Variants in EEIG2 observed in about 807,000 individuals in gnomAD.
The protein encoded by EEIG2 is family with sequence similarity 102 member B.
chr1:108,591,923 TA>T, the EEIG2 span, among the ~76,000 whole-genome samples: 1 of 152,064 alleles, frequency 6.6e-6, no homozygotes, highest in South Asian at 2.1e-4. Context: ...TGACAAACAA[TA>T]TAAGACAGAA....
chr1:108,632,145 A>C, the EEIG2 span, among the ~76,000 whole-genome samples: 23 of 150,890 alleles, frequency 1.5e-4, no homozygotes, highest in Middle Eastern at 3.2e-3. Context: ...AAGAAGAAGA[A>C]GAAGAAGTAA....
At chr1:108,624,814 T>C in the EEIG2 span, 1 of 1,326,134 alleles carries the variant, frequency 7.5e-7, no homozygotes, top group Non-Finnish European at 1.1e-6. Context: ...AAAAATTCTT[T>C]GGGAATTGTG....
At chr1:108,637,700 T>C in the EEIG2 span, 4 of 152,178 alleles carry the variant, frequency 2.6e-5, no homozygotes, top group African/African-American at 9.7e-5. Context: ...AATTATATCC[T>C]AGAGAAAAAG....
At chr1:108,631,037 TAGGTA>T in the EEIG2 span, 3 of 226,260 alleles carry the variant, frequency 1.3e-5, no homozygotes, top group African/African-American at 6.9e-5. Flanking sequence ...ATATCATAAG[TAGGTA>T]AGAGAGAGAC....
the EEIG2 span, among the ~76,000 whole-genome samples, chr1:108,633,925 T>G: frequency 2.0e-5 from 3 of 152,160 alleles, no homozygotes; most frequent in South Asian, 6.2e-4. Context: ...GGGGTCTTCC[T>G]CTCTGCACTG....
chr1:108,569,508 T>C, the EEIG2 span, among the ~76,000 whole-genome samples: 1 of 152,164 alleles, frequency 6.6e-6, no homozygotes, highest in Non-Finnish European at 1.5e-5. Context: ...TCTATTTTTG[T>C]AGAGATGTGG....
chr1:108,628,258 A>G, the EEIG2 span: 3 of 1,614,176 alleles, frequency 1.9e-6, no homozygotes, highest in Admixed American at 1.7e-5. Context: ...AGTCAAAAGT[A>G]TCAGGTAGAG....
the EEIG2 span, chr1:108,635,158 G>C: frequency 6.2e-7 from 1 of 1,614,148 alleles, no homozygotes; most frequent in Non-Finnish European, 8.5e-7. Flanking sequence ...TAGAAGTCAA[G>C]TCGGTGAAAA....
chr1:108,611,622 C>G, the EEIG2 span, among the ~76,000 whole-genome samples: 2 of 152,204 alleles, frequency 1.3e-5, no homozygotes, highest in African/African-American at 4.8e-5. Context: ...AGAGAAGGCA[C>G]TGGTACCAAA....
the EEIG2 span, among the ~76,000 whole-genome samples, chr1:108,568,334 A>T: frequency 6.6e-6 from 1 of 152,188 alleles, no homozygotes; most frequent in East Asian, 1.9e-4. Flanking sequence ...ACAGCTTGTA[A>T]AAAATTATGT....
the EEIG2 span, among the ~76,000 whole-genome samples, chr1:108,622,256 G>A: frequency 2.6e-5 from 4 of 152,324 alleles, no homozygotes; most frequent in African/African-American, 9.6e-5. Flanking sequence ...GTTTTATGCC[G>A]AAGGAGCTAT....
chr1:108,584,942 A>G, the EEIG2 span, among the ~76,000 whole-genome samples: 1 of 152,176 alleles, frequency 6.6e-6, no homozygotes, highest in South Asian at 2.1e-4. Context: ...CCTTCCAAAA[A>G]AAGGTAATTG....
At chr1:108,610,399 G>C in the EEIG2 span, among the ~76,000 whole-genome samples, 1 of 152,154 alleles carries the variant, frequency 6.6e-6, no homozygotes, top group Non-Finnish European at 1.5e-5. Flanking sequence ...GCTTATGGAA[G>C]TTAAGTGCTC....
At chr1:108,618,376 G>A in the EEIG2 span, among the ~76,000 whole-genome samples, 1 of 152,112 alleles carries the variant, frequency 6.6e-6, no homozygotes, top group African/African-American at 2.4e-5. Context: ...TAGAGGAAGG[G>A]GTTTGAAGAA....
the EEIG2 span, among the ~76,000 whole-genome samples, chr1:108,620,781 G>A: frequency 3.3e-5 from 5 of 152,036 alleles, no homozygotes; most frequent in Non-Finnish European, 5.9e-5. Context: ...TCATTCATTC[G>A]GTACATGTGT....
the EEIG2 span, among the ~76,000 whole-genome samples, chr1:108,581,639 A>G: frequency 1.3e-5 from 2 of 152,306 alleles, no homozygotes; most frequent in African/African-American, 4.8e-5. Flanking sequence ...TAGCAAGGGA[A>G]CAAGAATTAG....
At chr1:108,582,071 A>T in the EEIG2 span, among the ~76,000 whole-genome samples, 1 of 152,188 alleles carries the variant, frequency 6.6e-6, no homozygotes, top group African/African-American at 2.4e-5. Flanking sequence ...CTACCAACAA[A>T]AAGATTACTA....
At chr1:108,636,614 T>C in the EEIG2 span, 2 of 152,202 alleles carry the variant, frequency 1.3e-5, no homozygotes, top group Non-Finnish European at 2.9e-5. Flanking sequence ...AACAAAGAGA[T>C]TCTGGAAGTT....
the EEIG2 span, among the ~76,000 whole-genome samples, chr1:108,634,900 G>A: frequency 6.6e-6 from 1 of 152,190 alleles, no homozygotes; most frequent in Admixed American, 6.5e-5. Context: ...ATAAGTGTGA[G>A]AGAATCAGGA....
Sources: gnomAD v4.1 joint callset for allele counts (sites outside exome capture counted in the v4.1 genomes callset) on GRCh38, gnomAD v4.1.1 for gene constraint, MANE v1.5 for transcripts, NCBI Gene and HGNC (gene_info 2026-07-23, HGNC 2026-07-21) for gene names.